Variants in TSPAN5 observed in about 807,000 individuals in gnomAD.
TSPAN5 encodes tetraspanin-5.
Under a neutral mutation model 37.1 loss-of-function variants are expected in TSPAN5, and 10 were observed. The observed-to-expected ratio is 0.27, with a 90% CI of 0.17 to 0.46. The LOEUF (loss-of-function observed/expected upper bound fraction) is 0.46, where lower values mean the gene tolerates loss of function less well. TSPAN5 is among the 20% of genes least tolerant of loss of function. The pLI, the probability that TSPAN5 is intolerant of heterozygous loss-of-function variation, is 1.00. For synonymous variants in TSPAN5, 110 were observed against 118.9 expected (o/e 0.93, Z 0.48); for missense variants, 195 against 326.6 (o/e 0.60, Z 3.11).
At chr4:98,557,718 G>A (rs751378898) in intron 1 of TSPAN5, among the ~76,000 whole-genome samples, 14 of 152,246 alleles carry the variant, frequency 9.2e-5, no homozygotes, top group Non-Finnish European at 1.6e-4. Flanking sequence ...GGATTGCATC[G>A]GCCACGTGAT....
At chr4:98,508,635 CT>C (rs1264374700) in intron 1 of TSPAN5, among the ~76,000 whole-genome samples, 7 of 151,544 alleles carry the variant, frequency 4.6e-5, no homozygotes, top group Admixed American at 4.6e-4. Flanking sequence ...ACCGAGCCTC[CT>C]GCCTCAGCCT....
chr4:98,536,028 T>G (rs1427742125), intron 1 of TSPAN5, among the ~76,000 whole-genome samples: 1 of 152,214 alleles, frequency 6.6e-6, no homozygotes, highest in Non-Finnish European at 1.5e-5. Context: ...AGCCTACTTC[T>G]GTCAATTCGT....
At position 98,497,469 on chromosome 4, in the gene TSPAN5, C is replaced by A. The variant is rs764841011; in HGVS notation, c.132+10209G>T. 3.3e-5 allele frequency among the ~76,000 whole-genome samples: 5 copies of A among 152,222 alleles called. No individual in the cohort carries two copies. The East Asian group carries it at 9.7e-4, about 29-fold the overall frequency. The stretch of plus-strand genomic sequence containing the variant: ...CTTGATCTTGGACTTCCCAGCCTGG[C>A]GAACTGTGAGAGAGAAATGTTTGTT... On this transcript the variant is annotated intron_variant, in intron 2 of 7. Transcript: ENST00000305798.
At chr4:98,641,767 C>G (rs914264292) in intron 1 of TSPAN5, among the ~76,000 whole-genome samples, 1 of 152,122 alleles carries the variant, frequency 6.6e-6, no homozygotes, top group Non-Finnish European at 1.5e-5. Flanking sequence ...GGGTAAAATC[C>G]ACCAGGACTC....
rs1752612124 is a variant in TSPAN5 at position 98,472,527 on chromosome 4, A to G, written c.802T>C (p.Trp268Arg). 7 of 1,614,026 alleles carry G rather than the reference A, an allele frequency of 4.3e-6. No homozygotes were observed. In the East Asian group the frequency reaches 1.3e-4, roughly 31 times the overall value. ...CAGCAGCGGTTGCAGGGGGTCTACC[A>G]GCTCGCCCTGACAGCTTCGATATCG... ...VSDIEAVRAS[W>R] The change falls in exon 8 of 8, where the codon TGG becomes CGG. Residue 268 changes from tryptophan (W) to arginine (R), a missense_variant. Transcript: ENST00000305798.
intron 1 of TSPAN5, among the ~76,000 whole-genome samples, chr4:98,617,014 T>C (rs1756358153): frequency 6.6e-6 from 1 of 152,036 alleles, no homozygotes; most frequent in Non-Finnish European, 1.5e-5. Flanking sequence ...TTGTAGAGAC[T>C]GGGTTTCACC....
chr4:98,578,054 T>C (rs549001620), intron 1 of TSPAN5, among the ~76,000 whole-genome samples: 81 of 152,302 alleles, frequency 5.3e-4, no homozygotes, highest in Non-Finnish European at 1.0e-3. Context: ...ACACATCCTA[T>C]TTTTTGGCAC....
chr4:98,536,212 T>TAA (rs1443582634), intron 1 of TSPAN5, among the ~76,000 whole-genome samples: 5 of 152,230 alleles, frequency 3.3e-5, no homozygotes, highest in African/African-American at 1.2e-4. Context: ...AGATGGGGTC[T>TAA]TTAAGCAGAT....
At chr4:98,640,555 C>T (rs562075310) in intron 1 of TSPAN5, among the ~76,000 whole-genome samples, 3 of 152,226 alleles carry the variant, frequency 2.0e-5, no homozygotes, top group Admixed American at 1.3e-4. Flanking sequence ...CAGGAATGGA[C>T]GTGGTGGACA....
intron 1 of TSPAN5, among the ~76,000 whole-genome samples, chr4:98,532,886 T>C (rs1009851259): frequency 4.6e-5 from 7 of 152,144 alleles, no homozygotes; most frequent in African/African-American, 1.7e-4. Flanking sequence ...GTTTATTGAG[T>C]TTTTAGCATG....
intron 1 of TSPAN5, among the ~76,000 whole-genome samples, chr4:98,648,350 AT>A (rs1290122360): frequency 6.6e-6 from 1 of 151,930 alleles, no homozygotes; most frequent in Non-Finnish European, 1.5e-5. Flanking sequence ...GGGGAGGCTG[AT>A]TTTTTTTGAA....
chr4:98,587,135 T>C (rs950008732), intron 1 of TSPAN5, among the ~76,000 whole-genome samples: 1 of 152,218 alleles, frequency 6.6e-6, no homozygotes, highest in Non-Finnish European at 1.5e-5. Context: ...CTTCCCAGCC[T>C]GCCTTCAGGA....
chr4:98,654,048 T>C (rs889283319), intron 1 of TSPAN5, among the ~76,000 whole-genome samples: 2 of 152,160 alleles, frequency 1.3e-5, no homozygotes, highest in African/African-American at 4.8e-5. Context: ...CACGTGTAGG[T>C]AGGTGCTCCA....
In TSPAN5 at chr4:98,478,628, T is replaced by G; in HGVS notation, c.576+57A>C. ...CCAAAAAATCACTCTGCTCGTCCCA[T>G]GCACACTCTCGGCATGATGTACAGA... On this transcript the variant is annotated intron_variant, in intron 5 of 7. Coordinates refer to ENST00000305798, the MANE Select transcript of TSPAN5 (RefSeq NM_005723.4). The G allele has an allele frequency of 2.5e-6, 4 of 1,609,580 alleles. No homozygotes were observed. In the South Asian group the frequency reaches 4.4e-5, roughly 18 times the overall value.
chr4:98,610,211 T>C (rs991478912), intron 1 of TSPAN5, among the ~76,000 whole-genome samples: 1 of 152,126 alleles, frequency 6.6e-6, no homozygotes, highest in Non-Finnish European at 1.5e-5. Context: ...CATCATCCCA[T>C]AGTGGAATGC....
chr4:98,605,139 TTTGTTGTTG>T (rs931683169), intron 1 of TSPAN5, among the ~76,000 whole-genome samples: 3 of 152,204 alleles, frequency 2.0e-5, no homozygotes, highest in African/African-American at 7.2e-5. Flanking sequence ...TTTTCTCTTT[TTTGTTGTTG>T]TTGTTGTTGA....
At chr4:98,492,005 C>T (rs1753096350) in intron 2 of TSPAN5, among the ~76,000 whole-genome samples, 1 of 152,150 alleles carries the variant, frequency 6.6e-6, no homozygotes, top group African/African-American at 2.4e-5. Flanking sequence ...AAGAACACCA[C>T]CAGCAGACAC....
intron 1 of TSPAN5, among the ~76,000 whole-genome samples, chr4:98,615,954 C>A (rs2110240718): frequency 6.6e-6 from 1 of 152,248 alleles, no homozygotes; most frequent in East Asian, 1.9e-4. Context: ...AGAAGCAGAA[C>A]AAGTGAAATC....
chr4:98,533,172 A>G (rs1283146773), intron 1 of TSPAN5, among the ~76,000 whole-genome samples: 1 of 152,130 alleles, frequency 6.6e-6, no homozygotes, highest in African/African-American at 2.4e-5. Flanking sequence ...TGTCTCTGCC[A>G]GGTTTTGGTA....
Sources: gnomAD v4.1 joint callset for allele counts (sites outside exome capture counted in the v4.1 genomes callset) on GRCh38, gnomAD v4.1.1 for gene constraint, MANE v1.5 for transcripts, NCBI Gene and HGNC (gene_info 2026-07-23, HGNC 2026-07-21) for gene names.